The following ATXN10 variants were observed in gnomAD, a reference collection of about 807,000 sequenced individuals.
ATXN10 encodes ataxin-10.
A neutral mutation model predicts 52.9 loss-of-function variants in ATXN10; 28 were observed. The observed-to-expected ratio is 0.53, with a 90% CI of 0.39 to 0.73. ATXN10 has a LOEUF of 0.73. ATXN10 is among the 30% of genes least tolerant of loss of function. The pLI is 0.00. For missense variants in ATXN10, 565 were observed against 577.0 expected (o/e 0.98, Z 0.21); for synonymous variants, 226 against 221.5 (o/e 1.02, Z -0.18).
rs943731719 is a variant in ATXN10, at chr22:45,715,318, C to T, written c.648-3095C>T. Among the ~76,000 whole-genome samples, 2 of 152,068 alleles carry T rather than the reference C, an allele frequency of 1.3e-5. No individual in the cohort carries two copies. Among genetic ancestry groups the T allele is most frequent in the Admixed American group, 6.6e-5 (1 of 15,260 alleles). On this transcript the variant is annotated intron_variant, in intron 5 of 11. Coordinates refer to ENST00000252934, the MANE Select transcript of ATXN10 (RefSeq NM_013236.4). This position sits in a 1 kb window ranked among gnomAD's most constrained non-coding sequence, Gnocchi z 4.4. The stretch of plus-strand genomic sequence containing the variant: ...ATTCCATTATGCCCAGAAGCAGAAG[C>T]GATAGTTGGAGATTTTAACACCTGC...
rs570204557 is a variant in ATXN10, at chr22:45,762,753, C to T, written c.1173+22215C>T. 7.5e-4 allele frequency among the ~76,000 whole-genome samples: 115 copies of T among 152,340 alleles called. No individual in the cohort carries two copies. Among genetic ancestry groups the T allele is most frequent in the African/African-American group, 2.5e-3 (104 of 41,580 alleles). On this transcript the variant is annotated intron_variant, in intron 9 of 11. Transcript: ENST00000252934. This position sits in a 1 kb window ranked among gnomAD's most constrained non-coding sequence, Gnocchi z 4.3. ...TGACCTCACATGGCCCCAGCCATCTCTCCACATCCTCCCCTCCCTGCTGTG... is the reference window on the plus strand; with the variant it reads ...TGACCTCACATGGCCCCAGCCATCTTTCCACATCCTCCCCTCCCTGCTGTG...
intron 10 of ATXN10, among the ~76,000 whole-genome samples, chr22:45,815,445 T>C (rs1928428121): frequency 1.3e-5 from 2 of 152,210 alleles, no homozygotes; most frequent in African/African-American, 4.8e-5. Flanking sequence ...GCAGTGCAGG[T>C]AGGACATTCT....
intron 7 of ATXN10, among the ~76,000 whole-genome samples, chr22:45,737,760 G>A (rs1004756783): frequency 6.8e-6 from 1 of 146,668 alleles, no homozygotes; most frequent in African/African-American, 2.5e-5. Context: ...GTCCAGTGGC[G>A]TGATCTTGGC....
rs1405985911 is a variant in ATXN10, at chr22:45,688,151, G to A, written c.117-1561G>A. 6.6e-6 allele frequency among the ~76,000 whole-genome samples: 1 copy of A among 152,124 alleles called. No homozygotes were observed. The highest frequency in any genetic ancestry group is 1.5e-5 in the Non-Finnish European group (1 of 68,026). ...ATGTACTTGTTTCATACAGTTTATTGAGGCAAGATTAGTGCTGTACCCTTG... is the reference window on the plus strand; with the variant it reads ...ATGTACTTGTTTCATACAGTTTATTAAGGCAAGATTAGTGCTGTACCCTTG... On this transcript the variant is annotated intron_variant, in intron 1 of 11. Coordinates refer to ENST00000252934, the MANE Select transcript of ATXN10 (RefSeq NM_013236.4). This position sits in a 1 kb window ranked among gnomAD's most constrained non-coding sequence, Gnocchi z 4.0.
rs569410356 is a variant in ATXN10, at chr22:45,844,684, G to C, written c.*1013G>C. On this transcript the variant is annotated 3_prime_UTR_variant, in exon 12 of 12. Coordinates refer to ENST00000252934, the MANE Select transcript of ATXN10 (RefSeq NM_013236.4). ...ATTCATATCATCAACAAAAGCTCTA[G>C]GGGGAGGTCACGTTGTGAATGCTTA... 2 of 152,170 alleles carry C rather than the reference G, an allele frequency of 1.3e-5. No individual in the cohort carries two copies. The highest frequency in any genetic ancestry group is 2.9e-5 in the Non-Finnish European group (2 of 68,022). The allele number at this position is 152,170 out of a possible 1,614,324, so 9.4% of individuals were successfully genotyped here. A position where few individuals can be genotyped will look rare whatever the true frequency, so the allele number is the denominator to read the frequency against.
rs1410822892 is a variant in ATXN10 at position 45,763,304 on chromosome 22, G to T, written c.1173+22766G>T. On this transcript the variant is annotated intron_variant, in intron 9 of 11. Transcript: ENST00000252934. This position sits in a 1 kb window ranked among gnomAD's most constrained non-coding sequence, Gnocchi z 6.9. ...CAGAGAAGGAAGGAACGAGGGAACT[G>T]GCTGGAGAGACTTGGAGGGCTCCTC... Among the ~76,000 whole-genome samples, 1 of 152,192 alleles carries T rather than the reference G, an allele frequency of 6.6e-6. No homozygotes were observed. Among genetic ancestry groups the T allele is most frequent in the Non-Finnish European group, 1.5e-5 (1 of 68,030 alleles).
rs2146730743 is a variant in ATXN10, at chr22:45,684,183, T to C, written c.117-5529T>C. ...ATAGGGTCTTGCTATGTTAGGCAGG[T>C]CTTGAACTCTCCTGGCTTCTGCCTC... On this transcript the variant is annotated intron_variant, in intron 1 of 11. Transcript: ENST00000252934. This position sits in a 1 kb window ranked among gnomAD's most constrained non-coding sequence, Gnocchi z 4.1. Among the ~76,000 whole-genome samples, 1 of 150,770 alleles carries C rather than the reference T, an allele frequency of 6.6e-6. No homozygotes were observed. The highest frequency in any genetic ancestry group is 1.5e-5 in the Non-Finnish European group (1 of 67,780).
chr22:45,753,086 C>G (rs899834480), intron 9 of ATXN10, among the ~76,000 whole-genome samples: 2 of 152,040 alleles, frequency 1.3e-5, no homozygotes, highest in African/African-American at 4.8e-5. Flanking sequence ...TCATTTAAGA[C>G]ACTTATTTTC....
At chr22:45,723,377 T>A (rs954869804) in intron 6 of ATXN10, among the ~76,000 whole-genome samples, 1 of 151,798 alleles carries the variant, frequency 6.6e-6, no homozygotes, top group Non-Finnish European at 1.5e-5. Flanking sequence ...TATAGTGGTG[T>A]GGTTTTGGCT....
intron 10 of ATXN10, among the ~76,000 whole-genome samples, chr22:45,834,930 G>T (rs570765619): frequency 6.6e-6 from 1 of 152,178 alleles, no homozygotes; most frequent in Non-Finnish European, 1.5e-5. Context: ...AAACCCTTTC[G>T]TGTGGTTTAA....
rs1272531838 is a variant in ATXN10, at chr22:45,845,030, T to G, written c.*1359T>G. The G allele has an allele frequency of 6.6e-6, 1 of 152,250 alleles. No individual in the cohort carries two copies. The highest frequency in any genetic ancestry group is 2.4e-5 in the African/African-American group (1 of 41,462). 9.4% of individuals were successfully genotyped at this position (152,250 alleles called of 1,614,324 possible). A position where few individuals can be genotyped will look rare whatever the true frequency, so the allele number is the denominator to read the frequency against. On this transcript the variant is annotated 3_prime_UTR_variant, in exon 12 of 12. Transcript: ENST00000252934. This position sits in a 1 kb window ranked among gnomAD's most constrained non-coding sequence, Gnocchi z 4.7. ...AACATTTTTTCTCTCATTTATGACT[T>G]TCCATCAGTAAAGAAGCCATTGCAG...
Position 45,732,523 on chromosome 22 carries a change from T to G in ATXN10, c.894+2933T>G, listed in dbSNP as rs1337852945. Among the ~76,000 whole-genome samples, 1 of 152,096 alleles carries G rather than the reference T, an allele frequency of 6.6e-6. No homozygotes were observed. Among genetic ancestry groups the G allele is most frequent in the Non-Finnish European group, 1.5e-5 (1 of 68,024 alleles). ...GCCAAATTAATTTACTTTTGGAAGT[T>G]TATTGAGCTATACATTTATGACTTG... On this transcript the variant is annotated intron_variant, in intron 7 of 11. Coordinates refer to ENST00000252934, the MANE Select transcript of ATXN10 (RefSeq NM_013236.4). The surrounding 1 kb of genome is among the most constrained non-coding windows in gnomAD (Gnocchi z 4.5).
chr22:45,711,085 C>G (rs1445486062), intron 5 of ATXN10, among the ~76,000 whole-genome samples: 1 of 152,126 alleles, frequency 6.6e-6, no homozygotes, highest in East Asian at 1.9e-4. Flanking sequence ...TGAGAGCCTA[C>G]TTCCTTCTTA....
rs945623235 is a variant in ATXN10 at position 45,774,716 on chromosome 22, T to TGA, written c.1174-32241_1174-32240dup. On this transcript the variant is annotated intron_variant, in intron 9 of 11. Coordinates refer to ENST00000252934, the MANE Select transcript of ATXN10 (RefSeq NM_013236.4). The surrounding 1 kb of genome is among the most constrained non-coding windows in gnomAD (Gnocchi z 6.2). The stretch of plus-strand genomic sequence containing the variant: ...GGGAGGCTGAGGTGAGCGGATCACT[T>TGA]GAGGCCAGGAGTTTGAGACCAGCCT... 3.2e-4 allele frequency among the ~76,000 whole-genome samples: 48 copies of TGA among 152,350 alleles called. No individual in the cohort carries two copies. Among genetic ancestry groups the TGA allele is most frequent in the African/African-American group, 1.1e-3 (47 of 41,594 alleles).
At chr22:45,831,340 C>T (rs1015859541) in intron 10 of ATXN10, among the ~76,000 whole-genome samples, 3 of 151,086 alleles carry the variant, frequency 2.0e-5, no homozygotes, top group Admixed American at 2.0e-4. Context: ...AGTTAGGATG[C>T]GAAATTTTAT....
At chr22:45,831,891 G>C (rs1247245138) in intron 10 of ATXN10, among the ~76,000 whole-genome samples, 2 of 152,220 alleles carry the variant, frequency 1.3e-5, no homozygotes, top group Non-Finnish European at 2.9e-5. Flanking sequence ...GAGCTCCACT[G>C]TACCCATGGC....
intron 5 of ATXN10, among the ~76,000 whole-genome samples, chr22:45,714,203 T>A (rs1924358810): frequency 6.6e-6 from 1 of 152,152 alleles, no homozygotes; most frequent in Non-Finnish European, 1.5e-5. Context: ...GTATTTTTCT[T>A]ATGAGTTGGA....
At chr22:45,673,174 A>G (rs1355287192) in intron 1 of ATXN10, 1 of 152,268 alleles carries the variant, frequency 6.6e-6, no homozygotes, top group Non-Finnish European at 1.5e-5. Context: ...ATTGATTGGT[A>G]GTTACCCATG....
rs937532232 is a variant in ATXN10, at chr22:45,729,434, G to T, written c.738G>T (p.Leu246=). 3.7e-6 allele frequency: 6 copies of T among 1,614,004 alleles called. No homozygotes were observed. Among genetic ancestry groups the T allele is most frequent in the Non-Finnish European group, 5.1e-6 (6 of 1,179,982 alleles). ...CCTTTATGTTTTACAGAGTTACACT[G>T]TTAGACCTTATGATAGCCAAGATAA... ...PKLNNQERVT[L]LDLMIAKITS... The change falls in exon 7 of 12, where the codon CTG becomes CTT. Residue 246 remains leucine, a synonymous_variant. Coordinates refer to ENST00000252934, the MANE Select transcript of ATXN10 (RefSeq NM_013236.4).
Sources: allele counts gnomAD v4.1 joint callset (sites outside exome capture counted in the v4.1 genomes callset), GRCh38; gene constraint gnomAD v4.1.1; non-coding constraint Gnocchi (gnomAD v3.1); transcripts MANE v1.5; gene names NCBI Gene and HGNC (gene_info 2026-07-23, HGNC 2026-07-21).